The following SLC1A1 variants were observed in gnomAD, a reference collection of about 807,000 sequenced individuals.
SLC1A1 encodes excitatory amino acid transporter 3.
Under a neutral mutation model 53.3 loss-of-function variants are expected in SLC1A1, and 43 were observed. The ratio of observed to expected loss-of-function variants is 0.81; its 90% CI spans 0.63 to 1.04. The LOEUF (loss-of-function observed/expected upper bound fraction) is 1.04. SLC1A1 is among the 50% of genes least tolerant of loss of function. The pLI, the probability that SLC1A1 is intolerant of heterozygous loss-of-function variation, is 0.00. For synonymous variants in SLC1A1, 307 were observed against 243.2 expected (o/e 1.26, Z -2.44); for missense variants, 748 against 664.9 (o/e 1.12, Z -1.37).
At chr9:4,545,820 G>A (rs911079197) in intron 2 of SLC1A1, among the ~76,000 whole-genome samples, 2 of 152,160 alleles carry the variant, frequency 1.3e-5, no homozygotes, top group Non-Finnish European at 2.9e-5. Flanking sequence ...GATGAATTTG[G>A]TTTACAAAAA....
At chr9:4,564,973 C>T (rs751605094) in intron 4 of SLC1A1, among the ~76,000 whole-genome samples, 6 of 152,228 alleles carry the variant, frequency 3.9e-5, no homozygotes, top group Non-Finnish European at 8.8e-5. Flanking sequence ...AGTTTGTTAG[C>T]TCATGGTAAT....
intron 1 of SLC1A1, among the ~76,000 whole-genome samples, chr9:4,519,960 A>T (rs10118909): frequency 0.64 from 97,849 of 152,042 alleles, 31,633 homozygotes; most frequent in Middle Eastern, 0.69. Context: ...ATTTTACTTT[A>T]TCTATAGGGA....
intron 7 of SLC1A1, among the ~76,000 whole-genome samples, 169 bp from the exon 8 acceptor site, chr9:4,573,738 T>G (rs1820281073): frequency 6.6e-6 from 1 of 152,132 alleles, no homozygotes; most frequent in South Asian, 2.1e-4. Context: ...AGAGCCAATA[T>G]TGTTCACCCA....
chr9:4,540,403 C>T (rs1214599429), intron 1 of SLC1A1, among the ~76,000 whole-genome samples: 1 of 152,160 alleles, frequency 6.6e-6, no homozygotes, highest in Non-Finnish European at 1.5e-5. Context: ...GTCACACTGA[C>T]CCTGTGCTCT....
chr9:4,531,104 C>T (rs1816449990), intron 1 of SLC1A1, among the ~76,000 whole-genome samples: 1 of 152,164 alleles, frequency 6.6e-6, no homozygotes, highest in Non-Finnish European at 1.5e-5. Context: ...ATAGGAAGAG[C>T]TCCAGTCTAC....
intron 10 of SLC1A1, among the ~76,000 whole-genome samples, chr9:4,579,507 C>T (rs1820866782): frequency 6.6e-6 from 1 of 152,130 alleles, no homozygotes; most frequent in South Asian, 2.1e-4. Flanking sequence ...AATCTCACTG[C>T]CAGAGGAATG....
intron 1 of SLC1A1, among the ~76,000 whole-genome samples, chr9:4,492,475 C>T (rs1820271876): frequency 1.6e-5 from 2 of 121,890 alleles, no homozygotes; most frequent in South Asian, 5.4e-4. Flanking sequence ...GAGCAAGAAT[C>T]CACCAAAAAA....
At chr9:4,565,217 G>A (rs1444313890) in intron 4 of SLC1A1, among the ~76,000 whole-genome samples, 1 of 152,114 alleles carries the variant, frequency 6.6e-6, no homozygotes, top group Non-Finnish European at 1.5e-5. Flanking sequence ...AGATTTTATA[G>A]AAACCATACC....
chr9:4,495,574 G>C (rs1012674314), intron 1 of SLC1A1, among the ~76,000 whole-genome samples: 5 of 152,138 alleles, frequency 3.3e-5, no homozygotes, highest in African/African-American at 1.2e-4. Context: ...GTTGAATCAA[G>C]ACGGAGGAGA....
intron 5 of SLC1A1, among the ~76,000 whole-genome samples, chr9:4,566,915 T>G (rs1819543972): frequency 6.6e-6 from 1 of 152,188 alleles, no homozygotes; most frequent in Non-Finnish European, 1.5e-5. Context: ...CAGACTTCTG[T>G]GTATACCAAC....
At chr9:4,497,883 G>A (rs1156775291) in intron 1 of SLC1A1, among the ~76,000 whole-genome samples, 1 of 152,164 alleles carries the variant, frequency 6.6e-6, no homozygotes, top group Non-Finnish European at 1.5e-5. Context: ...AAGGGACTTA[G>A]ATTAGCTGGG....
At chr9:4,572,061 A>G in intron 6 of SLC1A1, 143 bp from the exon 7 acceptor site, 1 of 704,312 alleles carries the variant, frequency 1.4e-6, no homozygotes, top group Non-Finnish European at 2.5e-6. Context: ...TATTGTTTTT[A>G]TATTTTCTAT....
chr9:4,543,803 C>G (rs1817222156), intron 1 of SLC1A1, among the ~76,000 whole-genome samples: 2 of 151,934 alleles, frequency 1.3e-5, no homozygotes, highest in Non-Finnish European at 2.9e-5. Context: ...GTTGCATAAA[C>G]AGGAAAGATT....
rs750567148 is a variant in SLC1A1 at position 4,549,153 on chromosome 9, G to T, written c.232+4446G>T. Among the ~76,000 whole-genome samples, 3 of 152,038 alleles carry T rather than the reference G, an allele frequency of 2.0e-5. No individual in the cohort carries two copies. Among genetic ancestry groups the T allele is most frequent in the Non-Finnish European group, 4.4e-5 (3 of 68,000 alleles). On this transcript the variant is annotated intron_variant, in intron 2 of 11. Transcript: ENST00000262352. The surrounding 1 kb of genome is among the most constrained non-coding windows in gnomAD (Gnocchi z 4.1). ...GGGACAGAACAGCACCTCCAGTCCC[G>T]CTCCCAGAGGTCCCCTGAGCATCCT...
chr9:4,550,428 T>C (rs1322924222), intron 2 of SLC1A1, among the ~76,000 whole-genome samples: 3 of 152,168 alleles, frequency 2.0e-5, no homozygotes, highest in Non-Finnish European at 2.9e-5. Context: ...TCTCATTCTA[T>C]GGCCCAAGCT....
At chr9:4,520,496 T>A (rs1489147197) in intron 1 of SLC1A1, among the ~76,000 whole-genome samples, 2 of 152,236 alleles carry the variant, frequency 1.3e-5, no homozygotes, top group Non-Finnish European at 2.9e-5. Context: ...TTCATATAAA[T>A]GGAATCATAT....
At chr9:4,531,795 G>T (rs892176277) in intron 1 of SLC1A1, among the ~76,000 whole-genome samples, 1 of 152,190 alleles carries the variant, frequency 6.6e-6, no homozygotes, top group Non-Finnish European at 1.5e-5. Flanking sequence ...GCCTAACTGG[G>T]AGGCACCCCC....
chr9:4,499,313 G>T (rs1289121035), intron 1 of SLC1A1, among the ~76,000 whole-genome samples: 1 of 152,012 alleles, frequency 6.6e-6, no homozygotes, highest in Non-Finnish European at 1.5e-5. Context: ...CCAAAGTGCT[G>T]GGATTACAGG....
At chr9:4,553,985 CT>C (rs1818158493) in intron 2 of SLC1A1, 1 of 152,190 alleles carries the variant, frequency 6.6e-6, no homozygotes, top group Non-Finnish European at 1.5e-5. Context: ...AGATCATATC[CT>C]GCCTTGTTTT....
Sources: allele counts gnomAD v4.1 joint callset (sites outside exome capture counted in the v4.1 genomes callset), GRCh38; gene constraint gnomAD v4.1.1; non-coding constraint Gnocchi (gnomAD v3.1); transcripts MANE v1.5; gene names NCBI Gene and HGNC (gene_info 2026-07-23, HGNC 2026-07-21).